The following CACNG2 variants were observed in gnomAD, a reference collection of about 807,000 sequenced individuals.
CACNG2 encodes calcium voltage-gated channel auxiliary subunit gamma 2, also known as voltage-dependent calcium channel gamma-2 subunit.
A neutral mutation model predicts 25.9 loss-of-function variants in CACNG2; 3 were observed. The observed-to-expected ratio is 0.12, with a 90% CI of 0.05 to 0.30. The LOEUF (loss-of-function observed/expected upper bound fraction) is 0.30. Ranked by LOEUF, CACNG2 falls within the 10% of genes least tolerant of loss-of-function variation. The probability of loss-of-function intolerance (pLI) is 1.00; values close to 1 mark genes in which losing one functional copy is unlikely to be tolerated. For synonymous variants in CACNG2, 167 were observed against 173.3 expected, an observed-to-expected ratio of 0.96 and a Z score of 0.29; for missense variants, 341 against 432.5, an observed-to-expected ratio of 0.79 and a Z score of 1.88.
At chr22:36,685,716 G>T (rs140916880) in intron 1 of CACNG2, among the ~76,000 whole-genome samples, 1 of 152,238 alleles carries the variant, frequency 6.6e-6, no homozygotes, top group Admixed American at 6.5e-5. Flanking sequence ...CCGCTGTTCC[G>T]GGACCAAGGC....
At chr22:36,598,079 T>G (rs1334206645) in intron 1 of CACNG2, among the ~76,000 whole-genome samples, 2 of 152,246 alleles carry the variant, frequency 1.3e-5, no homozygotes, top group African/African-American at 4.8e-5. Context: ...CGGGTTCACT[T>G]CACTGCAGTG....
rs915828266 is a variant in CACNG2 at position 36,702,889 on chromosome 22, C to G, written c.-313G>C. 2 of 257,378 alleles carry G rather than the reference C, an allele frequency of 7.8e-6. No individual in the cohort carries two copies. Among genetic ancestry groups the G allele is most frequent in the African/African-American group, 2.3e-5 (1 of 43,242 alleles). The allele number at this position is 257,378 out of a possible 1,614,324, so 15.9% of individuals were successfully genotyped here. Reference sequence around the variant, plus strand: ...AAAATAAAAAGACACCCCCCACCCCCCCAAGTGAGATGCCTTAATCTCTTT... The same window carrying G: ...AAAATAAAAAGACACCCCCCACCCCGCCAAGTGAGATGCCTTAATCTCTTT... On this transcript the variant is annotated 5_prime_UTR_variant, in exon 1 of 4. Transcript: ENST00000300105.
intron 1 of CACNG2, among the ~76,000 whole-genome samples, chr22:36,692,373 G>T (rs1210057818): frequency 1.3e-5 from 2 of 152,152 alleles, no homozygotes; most frequent in Non-Finnish European, 2.9e-5. Flanking sequence ...GCAAACCCAG[G>T]GTTGCTAAGT....
intron 1 of CACNG2, among the ~76,000 whole-genome samples, chr22:36,690,512 G>A (rs765574338): frequency 6.6e-6 from 1 of 152,178 alleles, no homozygotes; most frequent in Non-Finnish European, 1.5e-5. Flanking sequence ...GACAGCACCC[G>A]ACATTTGTCA....
chr22:36,624,679 C>T (rs1176695408), intron 1 of CACNG2, among the ~76,000 whole-genome samples: 10 of 152,092 alleles, frequency 6.6e-5, no homozygotes, highest in Admixed American at 6.5e-4. Context: ...CTTGAATTAT[C>T]CCCAACCCCA....
intron 1 of CACNG2, among the ~76,000 whole-genome samples, chr22:36,602,721 C>T (rs1225055781): frequency 6.6e-6 from 1 of 152,214 alleles, no homozygotes; most frequent in East Asian, 1.9e-4. Flanking sequence ...TTATGGCGAT[C>T]TGTGATCAGT....
At chr22:36,680,240 C>T (rs991677426) in intron 1 of CACNG2, among the ~76,000 whole-genome samples, 10 of 150,954 alleles carry the variant, frequency 6.6e-5, no homozygotes, top group Non-Finnish European at 1.5e-4. Context: ...ATCATCACCA[C>T]CACCATCACC....
chr22:36,566,174 G>T (rs1035752731), intron 3 of CACNG2, among the ~76,000 whole-genome samples, 179 bp downstream of exon 3: 1 of 152,124 alleles, frequency 6.6e-6, no homozygotes, highest in Non-Finnish European at 1.5e-5. Context: ...GTACAGGCTC[G>T]GGAGTTGCTA....
chr22:36,680,389 A>C (rs975448139), intron 1 of CACNG2, among the ~76,000 whole-genome samples: 24 of 146,194 alleles, frequency 1.6e-4, no homozygotes, highest in Non-Finnish European at 9.1e-5. Flanking sequence ...CACCACCATC[A>C]CTGCCACCAT....
chr22:36,661,966 CTTTTTTTTTTTTTTTTT>C (rs71193254), intron 1 of CACNG2, among the ~76,000 whole-genome samples: 8 of 44,586 alleles, frequency 1.8e-4, no homozygotes, highest in South Asian at 1.6e-3. Context: ...CATTGCTATT[CTTTTTTTTTTTTTTTTT>C]TTTTTTTTTT....
intron 1 of CACNG2, among the ~76,000 whole-genome samples, chr22:36,698,180 C>G (rs1937365077): frequency 6.6e-6 from 1 of 152,172 alleles, no homozygotes; most frequent in Admixed American, 6.5e-5. Context: ...CCCTCTCTCC[C>G]CACTCTCCTC....
rs201512121 is a variant in CACNG2 at position 36,564,678 on chromosome 22, C to T, written c.645G>A (p.Thr215=). 19 of 1,613,936 alleles carry T rather than the reference C, an allele frequency of 1.2e-5. No homozygotes were observed. In the East Asian group the frequency reaches 2.2e-4, roughly 19 times the overall value. The change falls in exon 4 of 4, where the codon ACG becomes ACA. Residue 215 remains threonine (T), a synonymous_variant. Coordinates refer to ENST00000300105, the MANE Select transcript of CACNG2 (RefSeq NM_006078.5). This position sits in a 1 kb window ranked among gnomAD's most constrained non-coding sequence, Gnocchi z 6.7. The part of the protein sequence containing the change: ...HKQLRATARA[T]DYLQASAITR... ...TGATGGCAGAGGCCTGGAGGTAGTC[C>T]GTGGCGCGGGCCGTGGCCCGCAGCT...
At chr22:36,568,217 T>C (rs1935160671) in intron 2 of CACNG2, among the ~76,000 whole-genome samples, 1 of 152,100 alleles carries the variant, frequency 6.6e-6, no homozygotes, top group South Asian at 2.1e-4. Flanking sequence ...TACAGGACCC[T>C]TTGGCCAAGC....
intron 1 of CACNG2, among the ~76,000 whole-genome samples, chr22:36,613,964 G>A (rs540645908): frequency 3.0e-4 from 46 of 151,964 alleles, no homozygotes; most frequent in African/African-American, 9.4e-4. Flanking sequence ...CCTACCAACC[G>A]TTCCCTGCAC....
chr22:36,672,908 C>T (rs779706044), intron 1 of CACNG2, among the ~76,000 whole-genome samples: 2 of 152,212 alleles, frequency 1.3e-5, no homozygotes, highest in African/African-American at 2.4e-5. Flanking sequence ...CAGGGCTGGG[C>T]CCATCATGGG....
At position 36,696,972 on chromosome 22, in the gene CACNG2, G is replaced by A. The variant is rs770422248; in HGVS notation, c.211+5394C>T. ...TCTGTGTGGCATCAATTCTTTCAAC[G>A]AGACCACAAAAACTTCATCTGAAAA... On this transcript the variant is annotated intron_variant, in intron 1 of 3. Coordinates refer to ENST00000300105, the MANE Select transcript of CACNG2 (RefSeq NM_006078.5). Among the ~76,000 whole-genome samples the A allele has an allele frequency of 3.9e-5, 6 of 152,114 alleles. No individual in the cohort carries two copies. In the South Asian group the frequency reaches 6.2e-4, roughly 16 times the overall value.
intron 1 of CACNG2, among the ~76,000 whole-genome samples, chr22:36,651,224 CTTTTT>C (rs11411019): frequency 3.6e-5 from 3 of 83,136 alleles, no homozygotes; most frequent in East Asian, 4.1e-4. Flanking sequence ...CTTCTTCCTC[CTTTTT>C]TTTTTTTTTT....
In CACNG2 at chr22:36,560,885, C is replaced by G. The variant is rs1296823664; in HGVS notation, c.*3466G>C. On this transcript the variant is annotated 3_prime_UTR_variant, in exon 4 of 4. Transcript: ENST00000300105. ...GGACCAAGCTATAAAAAAAAAAAATCTTTATTTCATGTACCAGGATTTTTT... is the reference window on the plus strand; with the variant it reads ...GGACCAAGCTATAAAAAAAAAAAATGTTTATTTCATGTACCAGGATTTTTT... 7.0e-6 allele frequency: 1 copy of G among 142,744 alleles called. No individual in the cohort carries two copies. The highest frequency in any genetic ancestry group is 1.5e-5 in the Non-Finnish European group (1 of 65,140). 8.8% of individuals were successfully genotyped at this position (142,744 alleles called of 1,614,324 possible).
intron 1 of CACNG2, among the ~76,000 whole-genome samples, chr22:36,637,789 GC>G (rs1435867593): frequency 1.3e-5 from 2 of 152,148 alleles, no homozygotes; most frequent in African/African-American, 2.4e-5. Context: ...GGATGCCAAG[GC>G]AGGCAGATCA....
Sources: allele counts gnomAD v4.1 joint callset (sites outside exome capture counted in the v4.1 genomes callset), GRCh38; gene constraint gnomAD v4.1.1; non-coding constraint Gnocchi (gnomAD v3.1); transcripts MANE v1.5; gene names NCBI Gene and HGNC (gene_info 2026-07-23, HGNC 2026-07-21).